The following ARSK variants were observed in gnomAD, a reference collection of about 807,000 sequenced individuals.
ARSK encodes the protein arylsulfatase family member K, also known as arylsulfatase K.
Under a neutral mutation model 53.2 loss-of-function variants are expected in ARSK, and 37 were observed. That is an observed-to-expected ratio of 0.70 (90% CI 0.54 to 0.92). The LOEUF (loss-of-function observed/expected upper bound fraction) is 0.92, where lower values mean the gene tolerates loss of function less well. Ranked by LOEUF, ARSK falls within the 40% of genes least tolerant of loss-of-function variation. ARSK has a pLI of 0.00. For synonymous variants in ARSK, 208 were observed against 223.2 expected (o/e 0.93, Z 0.61); for missense variants, 613 against 643.0 (o/e 0.95, Z 0.51).
intron 3 of ARSK, chr5:95,580,820 G>T: frequency 1.2e-6 from 1 of 832,236 alleles, no homozygotes; most frequent in Non-Finnish European, 1.7e-6. Flanking sequence ...TTCATCTACT[G>T]AATACATCAC....
At chr5:95,569,327 T>C (rs1443587502) in intron 3 of ARSK, among the ~76,000 whole-genome samples, 2 of 152,070 alleles carry the variant, frequency 1.3e-5, no homozygotes, top group African/African-American at 4.8e-5. Context: ...ACAAAAATAG[T>C]TGATGAATGT....
intron 6 of ARSK, chr5:95,600,513 C>T (rs1749383560): frequency 2.4e-6 from 1 of 418,290 alleles, no homozygotes. Flanking sequence ...GTTGAAGGCT[C>T]CTATCTGCCA....
chr5:95,579,184 C>T (rs530922592), intron 3 of ARSK, among the ~76,000 whole-genome samples: 1 of 152,202 alleles, frequency 6.6e-6, no homozygotes, highest in East Asian at 1.9e-4. Flanking sequence ...CATCTCAAAC[C>T]TTAATATACA....
At chr5:95,602,805 TAAGTA>T (rs1749425446) in intron 7 of ARSK, among the ~76,000 whole-genome samples, 1 of 152,204 alleles carries the variant, frequency 6.6e-6, no homozygotes, top group African/African-American at 2.4e-5. Context: ...AAACTAGGAC[TAAGTA>T]AAGTTGCAGG....
Position 95,596,799 on chromosome 5 carries a change from A to T in ARSK, c.1097-4048A>T, listed in dbSNP as rs1238932886. On this transcript the variant is annotated intron_variant, in intron 6 of 7. Transcript: ENST00000380009. ...CTATTGAAATTTAAGATGCAACAAT[A>T]CTTTATTTAAAAGTTTGAATTTACA... 2.6e-5 allele frequency among the ~76,000 whole-genome samples: 4 copies of T among 152,248 alleles called. No homozygotes were observed. In the East Asian group the frequency reaches 7.7e-4, roughly 29 times the overall value.
intron 5 of ARSK, among the ~76,000 whole-genome samples, chr5:95,588,651 G>A (rs377519864): frequency 1.3e-5 from 2 of 151,612 alleles, no homozygotes; most frequent in East Asian, 3.9e-4. Context: ...AGTATAGTAT[G>A]TTGAATACTA....
chr5:95,599,562 G>A (rs1749363885), intron 6 of ARSK, among the ~76,000 whole-genome samples: 1 of 152,012 alleles, frequency 6.6e-6, no homozygotes, highest in Non-Finnish European at 1.5e-5. Context: ...TCTCTCCCGG[G>A]CACATCCTCT....
rs756615245 is a variant in ARSK at position 95,600,889 on chromosome 5, CTT to C, written c.1141_1142del (p.Leu381ValfsTer9). ...CTGCCTCAGAACCTGAGTGGATACT[CTT>C]TGTTGCCGTTATCATCAGAAACATT... On this transcript the variant is annotated frameshift_variant, in exon 7 of 8. Transcript: ENST00000380009. LOFTEE classifies it high-confidence loss of function. 2 of 1,614,094 alleles carry C rather than the reference CTT, an allele frequency of 1.2e-6. No individual in the cohort carries two copies. The highest frequency in any genetic ancestry group is 1.7e-6 in the Non-Finnish European group (2 of 1,179,954).
chr5:95,587,830 T>C (rs1259240365), intron 5 of ARSK, among the ~76,000 whole-genome samples: 1 of 148,396 alleles, frequency 6.7e-6, no homozygotes, highest in African/African-American at 2.5e-5. Flanking sequence ...CACTTGAACC[T>C]GGGAGGCAGA....
In ARSK at chr5:95,555,363, GC is replaced by G. The variant is rs774524845; in HGVS notation, c.87del (p.Ala31ArgfsTer8). The G allele has an allele frequency of 8.7e-6, 14 of 1,610,442 alleles. No individual in the cohort carries two copies. The highest frequency in any genetic ancestry group is 1.7e-5 in the Admixed American group (1 of 59,890). ...PGAGEQRRRA[A>X]KAPNVVLVVS... ...AGCAGGGGAGCAGAGGCGGAGAGCA[GC>G]CAAAGCGCCCAATGTGGTGCTGGTC... is the stretch of plus-strand genomic sequence containing the variant. On this transcript the variant is annotated frameshift_variant, in exon 1 of 8. Transcript: ENST00000380009. LOFTEE classifies it high-confidence loss of function. This position sits in a 1 kb window ranked among gnomAD's most constrained non-coding sequence, Gnocchi z 4.0.
Position 95,604,711 on chromosome 5 carries a change from T to C in ARSK, c.*1185T>C, listed in dbSNP as rs193254892. On this transcript the variant is annotated 3_prime_UTR_variant, in exon 8 of 8. Transcript: ENST00000380009. ...CCTTTGCCAACCTAACAGATAAAAA[T>C]GTTCTATTTTTATTTTTCTTTTTAT... 123 of 152,286 alleles carry C rather than the reference T, an allele frequency of 8.1e-4. No individual in the cohort carries two copies. Among genetic ancestry groups the C allele is most frequent in the Middle Eastern group, 6.8e-3 (2 of 294 alleles). The allele number at this position is 152,286 out of a possible 1,614,324, so 9.4% of individuals were successfully genotyped here.
chr5:95,581,984 T>G (rs1409973871), intron 3 of ARSK, among the ~76,000 whole-genome samples: 1 of 152,278 alleles, frequency 6.6e-6, no homozygotes, highest in African/African-American at 2.4e-5. Context: ...ATAAAATTTT[T>G]CTATTTTAGC....
Position 95,555,406 on chromosome 5 carries a change from T to C in ARSK, c.126+2T>C, listed in dbSNP as rs1183446648. Reference sequence around the variant, plus strand: ...GTGCTGGTCGTGAGCGACTCCTTCGTAAGTACCGCGAGGCAGGGGAGGGGC... The same window carrying C: ...GTGCTGGTCGTGAGCGACTCCTTCGCAAGTACCGCGAGGCAGGGGAGGGGC... On this transcript the variant is annotated splice_donor_variant, in intron 1 of 7. Coordinates refer to ENST00000380009, the MANE Select transcript of ARSK (RefSeq NM_198150.3). LOFTEE classifies it high-confidence loss of function. The surrounding 1 kb of genome is among the most constrained non-coding windows in gnomAD (Gnocchi z 4.0). 1.9e-6 allele frequency: 3 copies of C among 1,599,922 alleles called. No individual in the cohort carries two copies. Among genetic ancestry groups the C allele is most frequent in the Non-Finnish European group, 2.6e-6 (3 of 1,172,072 alleles).
intron 1 of ARSK, among the ~76,000 whole-genome samples, chr5:95,560,860 A>G (rs1456373948): frequency 7.0e-6 from 1 of 143,252 alleles, no homozygotes. Flanking sequence ...GCCGGAGTGC[A>G]GTGGCGCAAT....
chr5:95,559,449 C>T (rs896235521), intron 1 of ARSK, among the ~76,000 whole-genome samples: 1 of 152,132 alleles, frequency 6.6e-6, no homozygotes, highest in Non-Finnish European at 1.5e-5. Flanking sequence ...GGAAACAATC[C>T]CCTGCAGATA....
chr5:95,565,518 ACTGT>A (rs1457136432), intron 1 of ARSK, among the ~76,000 whole-genome samples: 1 of 151,764 alleles, frequency 6.6e-6, no homozygotes, highest in Non-Finnish European at 1.5e-5. Flanking sequence ...CCCTGTCCAC[ACTGT>A]CTAACGTAGG....
At position 95,603,683 on chromosome 5, in the gene ARSK, G is replaced by A. The variant is rs1165634266; in HGVS notation, c.*157G>A. 3 of 567,868 alleles carry A rather than the reference G, an allele frequency of 5.3e-6. No homozygotes were observed. Among genetic ancestry groups the A allele is most frequent in the Admixed American group, 3.8e-5 (1 of 26,474 alleles). The allele number at this position is 567,868 out of a possible 1,614,324, so 35.2% of individuals were successfully genotyped here. ...CCAGGACTTTGGGAGGCTGAGGAAA[G>A]CAGATCACAAGGTCAAGAGATTGAG... is the stretch of plus-strand genomic sequence containing the variant. On this transcript the variant is annotated 3_prime_UTR_variant, in exon 8 of 8. Transcript: ENST00000380009.
intron 6 of ARSK, among the ~76,000 whole-genome samples, chr5:95,592,799 G>A (rs898202803): frequency 1.3e-5 from 2 of 151,956 alleles, no homozygotes; most frequent in Admixed American, 6.6e-5. Context: ...CGCTTGCCTC[G>A]GCCTCCCAAA....
intron 4 of ARSK, among the ~76,000 whole-genome samples, chr5:95,585,535 C>A (rs905263549): frequency 6.6e-6 from 1 of 152,068 alleles, no homozygotes. Flanking sequence ...AATTGGAGAC[C>A]GTTATTCTAA....
Sources: gnomAD v4.1 joint callset for allele counts (sites outside exome capture counted in the v4.1 genomes callset) on GRCh38, gnomAD v4.1.1 for gene constraint, Gnocchi (gnomAD v3.1) non-coding constraint, MANE v1.5 for transcripts, NCBI Gene and HGNC (gene_info 2026-07-23, HGNC 2026-07-21) for gene names.